The following AXL variants were observed in gnomAD, a reference collection of about 807,000 sequenced individuals.
The protein encoded by AXL is tyrosine-protein kinase receptor UFO.
A neutral mutation model predicts 104.5 loss-of-function variants in AXL; 52 were observed. The observed-to-expected ratio is 0.50, with a 90% confidence interval of 0.40 to 0.63. The LOEUF (loss-of-function observed/expected upper bound fraction) is 0.63, where lower values mean the gene tolerates loss of function less well. AXL is among the 20% of genes least tolerant of loss of function. AXL has a pLI of 0.00. For missense variants in AXL, 1,024 were observed against 1,188.5 expected (o/e 0.86, Z 2.04); for synonymous variants, 455 against 473.7 (o/e 0.96, Z 0.51).
At chr19:41,238,285 C>A in intron 7 of AXL, 131 bp downstream of exon 7, 3 of 1,416,032 alleles carry the variant, frequency 2.1e-6, no homozygotes, top group East Asian at 2.3e-5. Flanking sequence ...CAATCTCTGA[C>A]CCCTCAGCAG....
Position 41,220,870 on chromosome 19 carries a change from C to T in AXL, c.308+12C>T, listed in dbSNP as rs756813396. On this transcript the variant is annotated intron_variant, in intron 2 of 19. Transcript: ENST00000301178. The stretch of plus-strand genomic sequence containing the variant: ...GTCAGCCAGCTCAGGTGTGTGGCCA[C>T]ATCCCCGAATCCCACTCCCACCTCC... 3.7e-6 allele frequency: 6 copies of T among 1,612,204 alleles called. No homozygotes were observed. In the South Asian group the frequency reaches 4.4e-5, roughly 12 times the overall value.
intron 6 of AXL, among the ~76,000 whole-genome samples, chr19:41,236,353 T>A (rs1356449691): frequency 1.9e-5 from 2 of 105,286 alleles, no homozygotes; most frequent in South Asian, 3.3e-4. Flanking sequence ...AAAAAAAAAA[T>A]TAGTCAAGCA....
At position 41,260,033 on chromosome 19, in the gene AXL, A is replaced by C. The variant is rs964426957; in HGVS notation, c.*129A>C. On this transcript the variant is annotated 3_prime_UTR_variant, in exon 20 of 20. Transcript: ENST00000301178. Reference sequence around the variant, plus strand: ...GCAGCCCTGTCTTCCTACCTATCCCACCTCCATCCCAGACAGGTCCCTCCC... The same window carrying C: ...GCAGCCCTGTCTTCCTACCTATCCCCCCTCCATCCCAGACAGGTCCCTCCC... 1.3e-6 allele frequency: 1 copy of C among 795,888 alleles called. No individual in the cohort carries two copies. Among genetic ancestry groups the C allele is most frequent in the South Asian group, 2.0e-5 (1 of 50,720 alleles). 49.3% of individuals were successfully genotyped at this position (795,888 alleles called of 1,614,324 possible).
Position 41,258,221 on chromosome 19 carries a change from C to T in AXL, c.2333+592C>T, listed in dbSNP as rs545083701. On this transcript the variant is annotated intron_variant, in intron 19 of 19. Coordinates refer to ENST00000301178, the MANE Select transcript of AXL (RefSeq NM_021913.5). ...AGGAGACAGCCTGGGGCGTCAGACT[C>T]CTCAGTCCACCTTGGGTACTCCAAG... 2.2e-4 allele frequency among the ~76,000 whole-genome samples: 34 copies of T among 152,330 alleles called. 1 individual carries two copies. In the South Asian group the frequency reaches 6.8e-3, roughly 31 times the overall value.
At chr19:41,257,401 T>G (rs1325145017) in intron 18 of AXL, 92 bp from the exon 19 acceptor site, 6 of 1,498,826 alleles carry the variant, frequency 4.0e-6, no homozygotes, top group Non-Finnish European at 5.5e-6. Context: ...TGTGAACATG[T>G]GTACATAAGT....
chr19:41,249,962 G>C (rs1370942139), intron 14 of AXL, among the ~76,000 whole-genome samples: 1 of 152,128 alleles, frequency 6.6e-6, no homozygotes, highest in Non-Finnish European at 1.5e-5. Flanking sequence ...GTAGTTTTCA[G>C]GGGCCGGCCC....
intron 17 of AXL, among the ~76,000 whole-genome samples, chr19:41,254,173 C>A: frequency 6.6e-6 from 1 of 151,448 alleles, no homozygotes; most frequent in South Asian, 2.1e-4. Context: ...GAGTCCGAGG[C>A]GGGTGGATCA....
At position 41,243,563 on chromosome 19, in the gene AXL, AG is replaced by A. The variant is rs2034219609; in HGVS notation, c.1446-48del. On this transcript the variant is annotated intron_variant, in intron 11 of 19. Transcript: ENST00000301178. Reference sequence around the variant, plus strand: ...GTGCTTGCTCAACTGCTGGTTGAGTAGGGGGTTCCACATGGTTTTTCCCTGC... The same window carrying A: ...GTGCTTGCTCAACTGCTGGTTGAGTAGGGGTTCCACATGGTTTTTCCCTGC... 150 of 1,367,116 alleles carry A rather than the reference AG, an allele frequency of 1.1e-4. 1 individual carries two copies. In the South Asian group the frequency reaches 1.6e-3, roughly 14 times the overall value. 84.7% of individuals were successfully genotyped at this position (1,367,116 alleles called of 1,614,324 possible).
At chr19:41,224,888 G>A (rs559761471) in intron 4 of AXL, among the ~76,000 whole-genome samples, 26 of 152,282 alleles carry the variant, frequency 1.7e-4, no homozygotes, top group African/African-American at 5.8e-4. Context: ...ACCTAAGGAT[G>A]CTTACCAGTC....
In AXL at chr19:41,260,298, C is replaced by CTTTTTTTTTTTTTTTTTTTTTTTTTTTTT. The variant is rs869213717; in HGVS notation, c.*397_*425dup. The stretch of plus-strand genomic sequence containing the variant: ...TAAAGTGCTAAGGTTCTAAGGCCTA[C>CTTTTTTTTTTTTTTTTTTTTTTTTTTTTT]TTTTTTTTTTTTTTTTTTTTTTTTT... On this transcript the variant is annotated 3_prime_UTR_variant, in exon 20 of 20. Transcript: ENST00000301178. 1.2e-4 allele frequency: 6 copies of CTTTTTTTTTTTTTTTTTTTTTTTTTTTTT among 48,578 alleles called. 3 individuals carry two copies. Among genetic ancestry groups the CTTTTTTTTTTTTTTTTTTTTTTTTTTTTT allele is most frequent in the Non-Finnish European group, 1.5e-4 (4 of 26,756 alleles). The allele number at this position is 48,578 out of a possible 1,614,324, so 3.0% of individuals were successfully genotyped here.
intron 8 of AXL, 119 bp from the exon 9 acceptor site, chr19:41,239,045 T>A: frequency 8.7e-7 from 1 of 1,149,604 alleles, no homozygotes. Flanking sequence ...CGAGGAAGGA[T>A]GAGGAGTTGG....
chr19:41,228,598 A>G (rs1287833690), intron 4 of AXL, among the ~76,000 whole-genome samples: 1 of 152,146 alleles, frequency 6.6e-6, no homozygotes, highest in Admixed American at 6.6e-5. Context: ...GAACTCCCCT[A>G]TGGAATTACA....
At position 41,239,689 on chromosome 19, in the gene AXL, C is replaced by T. The variant is rs772068924; in HGVS notation, c.1286-5C>T. The T allele has an allele frequency of 4.3e-6, 7 of 1,614,180 alleles. No individual in the cohort carries two copies. In the South Asian group the frequency reaches 4.4e-5, roughly 10 times the overall value. ...ACATCTCCTCTCTGTCCTTTCTTCT[C>T]ACAGGGCAAGCACAGCCAGTCCACC... is the stretch of plus-strand genomic sequence containing the variant. On this transcript the variant is annotated splice_region_variant and splice_polypyrimidine_tract_variant and intron_variant, in intron 9 of 19. Coordinates refer to ENST00000301178, the MANE Select transcript of AXL (RefSeq NM_021913.5).
At chr19:41,227,488 CT>C (rs34569295) in intron 4 of AXL, among the ~76,000 whole-genome samples, 23,263 of 135,300 alleles carry the variant, frequency 0.17, 1,957 homozygotes, top group East Asian at 0.33. Context: ...ACCCTGGGGC[CT>C]TTTTTTTTTT....
chr19:41,220,530 G>C, intron 1 of AXL, 106 bp from the exon 2 acceptor site: 1 of 945,594 alleles, frequency 1.1e-6, no homozygotes, highest in Non-Finnish European at 1.6e-6. Flanking sequence ...CGGCCTAAGG[G>C]CCTGGCGGGG....
intron 6 of AXL, 97 bp downstream of exon 6, chr19:41,231,395 C>A: frequency 8.7e-7 from 1 of 1,150,030 alleles, no homozygotes; most frequent in Non-Finnish European, 1.2e-6. Context: ...ACTTCTCGGC[C>A]ACTGTTGAGA....
rs761700676 is a variant in AXL, at chr19:41,252,885, C to T, written c.1844C>T (p.Ala615Val). ...GGTTCTGAACGAGAGAGCTTCCCAG[C>T]ACCTGTGGTCATCTTACCTTTCATG... ...FQGSERESFP[A>V]PVVILPFMKH... Residue 615 changes from alanine to valine, a missense_variant, in exon 16 of 20, where the codon GCA (alanine) becomes GTA (valine). Physicochemically the swap from Ala to Val is moderately conservative, Grantham distance 64. Transcript: ENST00000301178. 3.1e-6 allele frequency: 5 copies of T among 1,614,146 alleles called. No homozygotes were observed. The South Asian group carries it at 4.4e-5, about 14-fold the overall frequency.
intron 6 of AXL, among the ~76,000 whole-genome samples, chr19:41,233,059 G>C (rs928453480): frequency 6.6e-6 from 1 of 151,548 alleles, no homozygotes; most frequent in Non-Finnish European, 1.5e-5. Flanking sequence ...GCGTGATCAC[G>C]GCTTATTGCA....
rs1485899099 is a variant in AXL, at chr19:41,231,223, C to T, written c.708C>T (p.Arg236=). ...QQPRNLHLVS[R]QPTELEVAWT... is the part of the protein sequence containing the mutation. ...CCCGTAACCTCCACCTGGTCTCCCG[C>T]CAACCCACGGAGCTGGAGGTGGCTT... is the stretch of plus-strand genomic sequence containing the variant. Residue 236 remains arginine, a synonymous_variant, in exon 6 of 20, where the codon CGC becomes CGT. Coordinates refer to ENST00000301178, the MANE Select transcript of AXL (RefSeq NM_021913.5). 6.2e-7 allele frequency: 1 copy of T among 1,613,862 alleles called. No homozygotes were observed.
Sources: gnomAD v4.1 joint callset for allele counts (sites outside exome capture counted in the v4.1 genomes callset) on GRCh38, gnomAD v4.1.1 for gene constraint, MANE v1.5 for transcripts, NCBI Gene and HGNC (gene_info 2026-07-23, HGNC 2026-07-21) for gene names.